LMX1B: variants seen among roughly 807,000 people sequenced by gnomAD.
LMX1B encodes the protein LIM homeobox transcription factor 1-beta.
In LMX1B, 12 loss-of-function variants were observed where a neutral mutation model predicts 51.4. The observed-to-expected ratio is 0.23, with a 90% CI of 0.15 to 0.38. The LOEUF (loss-of-function observed/expected upper bound fraction) is 0.38, where lower values mean the gene tolerates loss of function less well. Among genes scored for constraint, LMX1B ranks in the 10% least tolerant of loss-of-function variants. The pLI is 1.00. For synonymous variants in LMX1B, 237 were observed against 235.4 expected, an observed-to-expected ratio of 1.01 and a Z score of -0.06; for missense variants, 445 against 571.1, an observed-to-expected ratio of 0.78 and a Z score of 2.25.
chr9:126,615,105 G>A lies in LMX1B; in HGVS notation c.140-278G>A, dbSNP rs1199109854. ...CCCTGCGCCGTGCTCGTTGTCATTT[G>A]TCTTAACACGGAGCGCGGATTCTCC... is the stretch of plus-strand genomic sequence containing the variant. On this transcript the variant is annotated intron_variant, in intron 1 of 7. Coordinates refer to ENST00000373474, the MANE Select transcript of LMX1B (RefSeq NM_001174147.2). The surrounding 1 kb of genome is among the most constrained non-coding windows in gnomAD (Gnocchi z 6.0). Among the ~76,000 whole-genome samples, 1 of 152,044 alleles carries A rather than the reference G, an allele frequency of 6.6e-6. No homozygotes were observed. Among genetic ancestry groups the A allele is most frequent in the Non-Finnish European group, 1.5e-5 (1 of 67,984 alleles).
At chr9:126,663,382 C>G (rs1005235323) in intron 2 of LMX1B, among the ~76,000 whole-genome samples, 2 of 150,844 alleles carry the variant, frequency 1.3e-5, no homozygotes, top group Non-Finnish European at 2.9e-5. Context: ...CGAGAACACA[C>G]CACTGCACTC....
At chr9:126,693,712 G>A (rs1308070128) in intron 5 of LMX1B, 34 bp from the exon 6 acceptor site, 11 of 1,571,916 alleles carry the variant, frequency 7.0e-6, no homozygotes, top group South Asian at 4.6e-5. Flanking sequence ...GGGGGCGAGG[G>A]GCAGCACCGG....
intron 2 of LMX1B, among the ~76,000 whole-genome samples, chr9:126,623,460 C>T (rs78496231): frequency 3.5e-3 from 529 of 152,320 alleles, no homozygotes; most frequent in Non-Finnish European, 5.5e-3. Flanking sequence ...CTGTCTGTAC[C>T]GTCCCAACCC....
In LMX1B at chr9:126,652,296, A is replaced by AGGG. The variant is rs3841407; in HGVS notation, c.326+36735_326+36737dup. On this transcript the variant is annotated intron_variant, in intron 2 of 7. Transcript: ENST00000373474. ...GAGCAGCAGGAGTCTGAGGAGGAGA[A>AGGG]GGGGGGGGGGATTTTCTCTTTCTTC... Among the ~76,000 whole-genome samples the AGGG allele has an allele frequency of 9.1e-4, 109 of 120,346 alleles. 2 individuals carry two copies. The East Asian group carries it at 9.2e-3, about 10-fold the overall frequency. The allele number at this position is 120,346 out of a possible 152,430, so 79.0% of individuals were successfully genotyped here.
At position 126,626,635 on chromosome 9, in the gene LMX1B, A is replaced by G. The variant is rs920187187; in HGVS notation, c.326+11066A>G. Among the ~76,000 whole-genome samples the G allele has an allele frequency of 6.6e-6, 1 of 151,600 alleles. No individual in the cohort carries two copies. The highest frequency in any genetic ancestry group is 1.5e-5 in the Non-Finnish European group (1 of 67,954). On this transcript the variant is annotated intron_variant, in intron 2 of 7. Coordinates refer to ENST00000373474, the MANE Select transcript of LMX1B (RefSeq NM_001174147.2). The surrounding 1 kb of genome is among the most constrained non-coding windows in gnomAD (Gnocchi z 4.3). Reference sequence around the variant, plus strand: ...GGGGAGAGACTTTCTCCCTCGAAACACTTGATACCAACTTTGTTTTTTTGG... The same window carrying G: ...GGGGAGAGACTTTCTCCCTCGAAACGCTTGATACCAACTTTGTTTTTTTGG...
rs1456192497 is a variant in LMX1B, at chr9:126,658,753, A to T, written c.327-32083A>T. ...GCTTAAGATAAATGCCGAACAAATA[A>T]TCAAATTATCAAGCCAAAACCTGGG... On this transcript the variant is annotated intron_variant, in intron 2 of 7. Transcript: ENST00000373474. The surrounding 1 kb of genome is among the most constrained non-coding windows in gnomAD (Gnocchi z 4.0). Among the ~76,000 whole-genome samples, 2 of 152,262 alleles carry T rather than the reference A, an allele frequency of 1.3e-5. No individual in the cohort carries two copies. The highest frequency in any genetic ancestry group is 2.4e-5 in the African/African-American group (1 of 41,472).
At chr9:126,651,718 C>T (rs571873562) in intron 2 of LMX1B, among the ~76,000 whole-genome samples, 8 of 152,214 alleles carry the variant, frequency 5.3e-5, no homozygotes, top group African/African-American at 1.4e-4. Flanking sequence ...GATTCAGGAA[C>T]ATGGGGTGCT....
chr9:126,637,854 G>T (rs1835741500), intron 2 of LMX1B, among the ~76,000 whole-genome samples: 1 of 126,634 alleles, frequency 7.9e-6, no homozygotes, highest in Non-Finnish European at 1.6e-5. Context: ...CTCTGTACTG[G>T]GAACAGTACA....
rs181520701 is a variant in LMX1B at position 126,616,766 on chromosome 9, C to T, written c.326+1197C>T. The stretch of plus-strand genomic sequence containing the variant: ...CAGTCCAGGGCCTAGTGGAAAGCAG[C>T]GCAGCCCAACTGTTTAACTGAGGCC... On this transcript the variant is annotated intron_variant, in intron 2 of 7. Transcript: ENST00000373474. 4.4e-3 allele frequency among the ~76,000 whole-genome samples: 663 copies of T among 152,292 alleles called. 4 individuals carry two copies. The highest frequency in any genetic ancestry group is 7.5e-3 in the Non-Finnish European group (510 of 68,024).
At chr9:126,643,310 T>C (rs1246070294) in intron 2 of LMX1B, among the ~76,000 whole-genome samples, 2 of 152,200 alleles carry the variant, frequency 1.3e-5, no homozygotes, top group African/African-American at 4.8e-5. Context: ...GCGCCAACTC[T>C]CTTTGAGGCT....
chr9:126,630,941 G>A (rs988023817), intron 2 of LMX1B, among the ~76,000 whole-genome samples: 1 of 152,262 alleles, frequency 6.6e-6, no homozygotes, highest in African/African-American at 2.4e-5. Flanking sequence ...GCCTTTGAAG[G>A]GACGGCTGTC....
rs114120553 is a variant in LMX1B at position 126,663,507 on chromosome 9, G to C, written c.327-27329G>C. 7.9e-3 allele frequency among the ~76,000 whole-genome samples: 1,204 copies of C among 151,908 alleles called. 13 individuals carry two copies. Among genetic ancestry groups the C allele is most frequent in the African/African-American group, 0.028 (1,165 of 41,410 alleles). ...TCCCAGCTCTGCCACTTCCACAGTT[G>C]TGTGACCTTGGCAAGGAATTTGACC... On this transcript the variant is annotated intron_variant, in intron 2 of 7. Transcript: ENST00000373474.
rs1835357233 is a variant in LMX1B at position 126,618,963 on chromosome 9, G to T, written c.326+3394G>T. Among the ~76,000 whole-genome samples, 1 of 151,982 alleles carries T rather than the reference G, an allele frequency of 6.6e-6. No individual in the cohort carries two copies. Among genetic ancestry groups the T allele is most frequent in the Non-Finnish European group, 1.5e-5 (1 of 67,972 alleles). ...CCCGGGCCGCGCTCCTACCTCGGCG[G>T]CGGGGCCGCGGCGTCCTTCCGCCCG... is the stretch of plus-strand genomic sequence containing the variant. On this transcript the variant is annotated intron_variant, in intron 2 of 7. Coordinates refer to ENST00000373474, the MANE Select transcript of LMX1B (RefSeq NM_001174147.2). This position sits in a 1 kb window ranked among gnomAD's most constrained non-coding sequence, Gnocchi z 4.5.
intron 2 of LMX1B, among the ~76,000 whole-genome samples, chr9:126,666,107 T>C (rs1458066589): frequency 1.3e-5 from 2 of 152,186 alleles, no homozygotes; most frequent in African/African-American, 4.8e-5. Context: ...CCGGCCTATT[T>C]TACAGATGGG....
At chr9:126,636,657 G>GCACC (rs1033418891) in intron 2 of LMX1B, among the ~76,000 whole-genome samples, 2 of 151,870 alleles carry the variant, frequency 1.3e-5, no homozygotes, top group African/African-American at 4.8e-5. Flanking sequence ...TCAAGTGTGT[G>GCACC]CACCCTAGTG....
intron 2 of LMX1B, among the ~76,000 whole-genome samples, chr9:126,621,353 T>C (rs1275600431): frequency 2.0e-5 from 3 of 152,244 alleles, no homozygotes; most frequent in Admixed American, 1.3e-4. Context: ...GAAGTTCCTC[T>C]GGCCCTCTCC....
chr9:126,687,104 G>C (rs911914957), intron 2 of LMX1B, among the ~76,000 whole-genome samples: 1 of 152,156 alleles, frequency 6.6e-6, no homozygotes, highest in African/African-American at 2.4e-5. Flanking sequence ...GGCACACACC[G>C]AACAAAAGAA....
At position 126,684,814 on chromosome 9, in the gene LMX1B, C is replaced by T. The variant is rs1371670565; in HGVS notation, c.327-6022C>T. ...TTGGGGTGGGGGACTCCCAGCCCTG[C>T]AGGAGGCATGCGTGGAACTCCACTG... On this transcript the variant is annotated intron_variant, in intron 2 of 7. Coordinates refer to ENST00000373474, the MANE Select transcript of LMX1B (RefSeq NM_001174147.2). Among the ~76,000 whole-genome samples the T allele has an allele frequency of 2.0e-5, 3 of 152,274 alleles. No homozygotes were observed. In the East Asian group the frequency reaches 5.8e-4, roughly 29 times the overall value.
At chr9:126,624,363 C>T (rs1282674874) in intron 2 of LMX1B, among the ~76,000 whole-genome samples, 1 of 152,216 alleles carries the variant, frequency 6.6e-6, no homozygotes, top group Non-Finnish European at 1.5e-5. Flanking sequence ...GGAGAGCTGG[C>T]ATTTTCATTC....
Sources: allele counts gnomAD v4.1 joint callset (sites outside exome capture counted in the v4.1 genomes callset), GRCh38; gene constraint gnomAD v4.1.1; non-coding constraint Gnocchi (gnomAD v3.1); transcripts MANE v1.5; gene names NCBI Gene and HGNC (gene_info 2026-07-23, HGNC 2026-07-21).